Variants in EML6 observed in about 807,000 individuals in gnomAD.
EML6 encodes the protein echinoderm microtubule-associated protein-like 6.
Under a neutral mutation model 240.1 loss-of-function variants are expected in EML6, and 154 were observed. The observed-to-expected ratio is 0.64, with a 90% CI of 0.56 to 0.73. The LOEUF (loss-of-function observed/expected upper bound fraction) is 0.73, where lower values mean the gene tolerates loss of function less well. EML6 is among the 30% of genes least tolerant of loss of function. The pLI, the probability that EML6 is intolerant of heterozygous loss-of-function variation, is 0.00. For synonymous variants in EML6, 1,148 were observed against 899.0 expected (o/e 1.28, Z -4.95); for missense variants, 2,964 against 2,474.6 (o/e 1.20, Z -4.20).
rs1479534039 is a variant in EML6, at chr2:54,859,831, TTTAAG to T, written c.1825+131_1825+135del. Reference sequence around the variant, plus strand: ...AAATTGATTCCTGTAATCTTAAAATTTTAAGATAAGAAGAAACTTTAAAGATTAAC... The same window carrying T: ...AAATTGATTCCTGTAATCTTAAAATTATAAGAAGAAACTTTAAAGATTAAC... On this transcript the variant is annotated intron_variant, in intron 12 of 41. Coordinates refer to ENST00000356458, the MANE Select transcript of EML6 (RefSeq NM_001039753.4). 57 of 713,896 alleles carry T rather than the reference TTTAAG, an allele frequency of 8.0e-5. 1 individual carries two copies. In the African/African-American group the frequency reaches 9.8e-4, roughly 12 times the overall value. The allele number at this position is 713,896 out of a possible 1,614,324, so 44.2% of individuals were successfully genotyped here.
At chr2:54,900,100 A>G (rs1175350946) in intron 22 of EML6, among the ~76,000 whole-genome samples, 1 of 152,246 alleles carries the variant, frequency 6.6e-6, no homozygotes, top group Non-Finnish European at 1.5e-5. Flanking sequence ...CTTTTAAAGA[A>G]TGCTATTTAT....
At chr2:54,914,833 C>T (rs1673825918) in intron 25 of EML6, among the ~76,000 whole-genome samples, 1 of 151,912 alleles carries the variant, frequency 6.6e-6, no homozygotes, top group South Asian at 2.1e-4. Flanking sequence ...AAAAGCTTAC[C>T]CAGCAAATTG....
chr2:54,838,952 A>G (rs916413013), intron 7 of EML6, among the ~76,000 whole-genome samples: 1 of 152,208 alleles, frequency 6.6e-6, no homozygotes, highest in Admixed American at 6.5e-5. Context: ...TCTCTTAACT[A>G]CTGATGGATT....
rs1398919912 is a variant in EML6, at chr2:54,970,422, T to C, written c.*327T>C. ...CCGCTGACGAATTTTGAAGCCTCGGTTACCCTAACCAATATGTAGCTTTTA... is the reference window on the plus strand; with the variant it reads ...CCGCTGACGAATTTTGAAGCCTCGGCTACCCTAACCAATATGTAGCTTTTA... On this transcript the variant is annotated 3_prime_UTR_variant, in exon 42 of 42. Transcript: ENST00000356458. 1 of 325,780 alleles carries C rather than the reference T, an allele frequency of 3.1e-6. No individual in the cohort carries two copies. The highest frequency in any genetic ancestry group is 2.1e-5 in the African/African-American group (1 of 48,724). 20.2% of individuals were successfully genotyped at this position (325,780 alleles called of 1,614,324 possible).
In EML6 at chr2:54,853,818, A is replaced by G. The variant is rs1670223978; in HGVS notation, c.1620A>G (p.Gly540=). The change falls in exon 11 of 42, where the codon GGA becomes GGG. Residue 540 remains glycine (G), a synonymous_variant. Coordinates refer to ENST00000356458, the MANE Select transcript of EML6 (RefSeq NM_001039753.4). ...SSVLVSGDDF[G]LVKLFKFPCL... ...TGCTGGTGTCTGGAGATGATTTTGG[A>G]CTGGTTAAATTGTTTAAATTTCCTT... 2 of 1,551,466 alleles carry G rather than the reference A, an allele frequency of 1.3e-6. No homozygotes were observed. Among genetic ancestry groups the G allele is most frequent in the African/African-American group, 1.4e-5 (1 of 73,052 alleles).
At chr2:54,792,155 C>G (rs866732403) in intron 2 of EML6, among the ~76,000 whole-genome samples, 1 of 152,110 alleles carries the variant, frequency 6.6e-6, no homozygotes, top group Admixed American at 6.5e-5. Context: ...GGAAAACATT[C>G]ATCTTAAAGC....
chr2:54,920,952 C>A lies in EML6; in HGVS notation c.3675+4017C>A, dbSNP rs556716956. Among the ~76,000 whole-genome samples, 12 of 151,992 alleles carry A rather than the reference C, an allele frequency of 7.9e-5. No individual in the cohort carries two copies. In the South Asian group the frequency reaches 2.3e-3, roughly 29 times the overall value. On this transcript the variant is annotated intron_variant, in intron 26 of 41. Coordinates refer to ENST00000356458, the MANE Select transcript of EML6 (RefSeq NM_001039753.4). ...ATGTGAGAAAAGGATGGACAAAATT[C>A]AACATCCTCTCATGATTAAAAACAC... is the stretch of plus-strand genomic sequence containing the variant.
intron 24 of EML6, among the ~76,000 whole-genome samples, chr2:54,906,358 A>T (rs956741257): frequency 6.6e-6 from 1 of 152,210 alleles, no homozygotes; most frequent in Non-Finnish European, 1.5e-5. Flanking sequence ...AGAAAGCACA[A>T]GATCTCGGCC....
chr2:54,878,073 G>C (rs1285578410), intron 16 of EML6, among the ~76,000 whole-genome samples: 2 of 152,182 alleles, frequency 1.3e-5, no homozygotes, highest in Non-Finnish European at 2.9e-5. Context: ...TTTGTCATAA[G>C]TGTATTCCAT....
rs1192509982 is a variant in EML6 at position 54,844,094 on chromosome 2, G to C, written c.895G>C (p.Gly299Arg). 6.4e-7 allele frequency: 1 copy of C among 1,551,262 alleles called. No individual in the cohort carries two copies. The highest frequency in any genetic ancestry group is 8.7e-7 in the Non-Finnish European group (1 of 1,146,912). ...CTGGAAAGCAGACCGCCTTCTAGCA[G>C]GGACCCAGGACAGTGAGATATTTGA... ...VCWKADRLLA[G>R]TQDSEIFEVI... The change falls in exon 8 of 42, where the codon GGG (glycine) becomes CGG (arginine). Residue 299 changes from glycine (G) to arginine (R), a missense_variant. Transcript: ENST00000356458.
intron 7 of EML6, among the ~76,000 whole-genome samples, chr2:54,831,201 G>T (rs1668852533): frequency 6.6e-6 from 1 of 152,162 alleles, no homozygotes; most frequent in Non-Finnish European, 1.5e-5. Flanking sequence ...TGGGATTAGT[G>T]ACCATAAACT....
At position 54,815,106 on chromosome 2, in the gene EML6, C is replaced by G. The variant is rs78479577; in HGVS notation, c.358-1681C>G. Among the ~76,000 whole-genome samples, 1,257 of 152,300 alleles carry G rather than the reference C, an allele frequency of 8.3e-3. 10 individuals carry two copies. The highest frequency in any genetic ancestry group is 0.015 in the Non-Finnish European group (999 of 68,024). On this transcript the variant is annotated intron_variant, in intron 3 of 41. Coordinates refer to ENST00000356458, the MANE Select transcript of EML6 (RefSeq NM_001039753.4). ...TTTATCAATTTGTTCTGAAGTGTCA[C>G]AAGAAAATGTAATGCAGCAGAGGAA...
chr2:54,802,014 C>G (rs948227229), intron 2 of EML6, among the ~76,000 whole-genome samples: 1 of 152,200 alleles, frequency 6.6e-6, no homozygotes, highest in African/African-American at 2.4e-5. Flanking sequence ...ATCCATCTTG[C>G]TCTTACTCAG....
intron 2 of EML6, among the ~76,000 whole-genome samples, chr2:54,743,323 G>C (rs1332167742): frequency 1.3e-5 from 2 of 152,238 alleles, no homozygotes; most frequent in African/African-American, 2.4e-5. Flanking sequence ...AACCCTCGCA[G>C]ACGTGGGGAG....
intron 6 of EML6, among the ~76,000 whole-genome samples, chr2:54,828,226 C>T (rs879202249): frequency 1.3e-5 from 2 of 152,126 alleles, no homozygotes; most frequent in Non-Finnish European, 2.9e-5. Flanking sequence ...TGTTGAGGTG[C>T]CAGGGTGTCA....
intron 10 of EML6, among the ~76,000 whole-genome samples, chr2:54,850,992 T>C (rs1670050793): frequency 6.6e-6 from 1 of 152,242 alleles, no homozygotes; most frequent in Admixed American, 6.5e-5. Flanking sequence ...TTTTAGCACA[T>C]GAAAAAATTC....
At chr2:54,934,951 C>G (rs1486695839) in intron 28 of EML6, among the ~76,000 whole-genome samples, 1 of 152,192 alleles carries the variant, frequency 6.6e-6, no homozygotes, top group African/African-American at 2.4e-5. Context: ...AGTCAAATCA[C>G]TTGTCACTCT....
chr2:54,833,340 T>G (rs964059867), intron 7 of EML6, among the ~76,000 whole-genome samples: 1 of 152,210 alleles, frequency 6.6e-6, no homozygotes, highest in African/African-American at 2.4e-5. Context: ...GGCATACATT[T>G]GCATCTTCTA....
At chr2:54,813,758 G>T (rs1336587971) in intron 3 of EML6, among the ~76,000 whole-genome samples, 3 of 152,204 alleles carry the variant, frequency 2.0e-5, no homozygotes, top group African/African-American at 7.2e-5. Flanking sequence ...CCCTGAGCAT[G>T]TCTGTAGTAC....
Sources: allele counts gnomAD v4.1 joint callset (sites outside exome capture counted in the v4.1 genomes callset), GRCh38; gene constraint gnomAD v4.1.1; transcripts MANE v1.5; gene names NCBI Gene and HGNC (gene_info 2026-07-23, HGNC 2026-07-21).